JAG2: variants seen among roughly 807,000 people sequenced by gnomAD.
JAG2 encodes the protein jagged canonical Notch ligand 2, also known as protein jagged-2.
JAG2 carries 46 observed loss-of-function variants against 141.7 expected under a neutral mutation model. The ratio of observed to expected loss-of-function variants is 0.32; its 90% confidence interval spans 0.26 to 0.42. JAG2 has a LOEUF of 0.42. Among genes scored for constraint, JAG2 ranks in the 10% least tolerant of loss-of-function variants. The probability of loss-of-function intolerance (pLI) is 1.00; values close to 1 mark genes in which losing one functional copy is unlikely to be tolerated. For synonymous variants in JAG2, 862 were observed against 763.5 expected (o/e 1.13, Z -2.13); for missense variants, 1,500 against 1,817.5 (o/e 0.83, Z 3.18).
At chr14:105,146,341 C>A in intron 22 of JAG2, 44 bp downstream of exon 22, 1 of 1,526,180 alleles carries the variant, frequency 6.6e-7, no homozygotes, top group East Asian at 2.2e-5. Flanking sequence ...GGTCAGCGTG[C>A]ACCAGCCTCG....
intron 2 of JAG2, among the ~76,000 whole-genome samples, chr14:105,160,849 G>A (rs1888726347): frequency 6.9e-6 from 1 of 145,470 alleles, no homozygotes; most frequent in Admixed American, 6.9e-5. Context: ...GGCAACGAGG[G>A]CAAAACTCCA....
intron 2 of JAG2, among the ~76,000 whole-genome samples, chr14:105,166,954 G>A (rs1490946787): frequency 2.6e-5 from 4 of 152,160 alleles, no homozygotes; most frequent in Non-Finnish European, 5.9e-5. Flanking sequence ...GGCGCCCGAG[G>A]CCTGGGCCTG....
chr14:105,145,780 T>C lies in JAG2; in HGVS notation c.2903A>G (p.Asn968Ser), dbSNP rs984462286. ...PCLPRSGHLDNNCARLTLHFN... is the reference protein window; with the variant it reads ...PCLPRSGHLDSNCARLTLHFN... ...ATGCAAGGTGAGGCGGGCACAGTTA[T>C]TGTCCAGGTGGCCGGAGCGTGGCAG... The change falls in exon 23 of 26, where the codon AAT (asparagine) becomes AGT (serine). Residue 968 changes from asparagine (N) to serine (S), a missense_variant. Asn to Ser is a conservative substitution (Grantham distance 46). Coordinates refer to ENST00000331782, the MANE Select transcript of JAG2 (RefSeq NM_002226.5). 5 of 1,583,532 alleles carry C rather than the reference T, an allele frequency of 3.2e-6. No individual in the cohort carries two copies. The highest frequency in any genetic ancestry group is 1.1e-5 in the South Asian group (1 of 87,010).
In JAG2 at chr14:105,145,820, G is replaced by C. The variant is rs182661733; in HGVS notation, c.2863C>G (p.Pro955Ala). The C allele has an allele frequency of 4.5e-6, 7 of 1,566,384 alleles. No individual in the cohort carries two copies. The African/African-American group carries it at 6.8e-5, about 15-fold the overall frequency. The change falls in exon 23 of 26, where the codon CCG becomes GCG. Residue 955 changes from proline to alanine, a missense_variant. Pro to Ala is a conservative substitution (Grantham distance 27). Coordinates refer to ENST00000331782, the MANE Select transcript of JAG2 (RefSeq NM_002226.5). ...AWGECGAEEPPSTPCLPRSGH... is the reference protein window; with the variant it reads ...AWGECGAEEPASTPCLPRSGH... ...GAGCGTGGCAGGCAGGGGGTGCTCG[G>C]TGGCTCTTCTGCGCCGCACTCCCCC...
Position 105,142,948 on chromosome 14 carries a change from G to A in JAG2, c.3464C>T (p.Thr1155Met), listed in dbSNP as rs587770280. 211 of 1,609,264 alleles carry A rather than the reference G, an allele frequency of 1.3e-4. 6 individuals are homozygous for A. The South Asian group carries it at 2.3e-3, about 17-fold the overall frequency. The change falls in exon 26 of 26, where the codon ACG (threonine) becomes ATG (methionine). Residue 1155 changes from threonine to methionine, a missense_variant. Transcript: ENST00000331782. ...CTCGTCCGCCCTGCGCGGCGGCGGC[G>A]TGAAGTTCTTGCACTGGTAGAGCAC... ...KDVLYQCKNF[T>M]PPPRRADEAL...
At chr14:105,151,828 T>A in intron 7 of JAG2, 89 bp from the exon 8 acceptor site, 1 of 1,604,198 alleles carries the variant, frequency 6.2e-7, no homozygotes, top group South Asian at 1.1e-5. Flanking sequence ...GTTCCCAAGC[T>A]GGGGGTCAGG....
rs587744876 is a variant in JAG2 at position 105,165,298 on chromosome 14, C to T, written c.417+2459G>A. 3.3e-4 allele frequency among the ~76,000 whole-genome samples: 50 copies of T among 152,366 alleles called. 1 individual carries two copies. Among genetic ancestry groups the T allele is most frequent in the African/African-American group, 1.2e-3 (49 of 41,582 alleles). ...TGCCCCCAGCATGACACTACTCCTC[C>T]CCAAACCTCCATCACCACCTGCCAT... On this transcript the variant is annotated intron_variant, in intron 2 of 25. Coordinates refer to ENST00000331782, the MANE Select transcript of JAG2 (RefSeq NM_002226.5).
Position 105,168,352 on chromosome 14 carries a change from C to A in JAG2, c.66+3G>T. 1.0e-6 allele frequency: 1 copy of A among 961,692 alleles called. No individual in the cohort carries two copies. The allele number at this position is 961,692 out of a possible 1,614,324, so 59.6% of individuals were successfully genotyped here. On this transcript the variant is annotated splice_donor_region_variant and intron_variant, in intron 1 of 25. Transcript: ENST00000331782. ...CCCCCGCCGCCCCCGCCGCCCCGCT[C>A]ACCTGCACCCAGAGCGCCAGCAGCA...
intron 2 of JAG2, among the ~76,000 whole-genome samples, chr14:105,163,750 G>A (rs1339408656): frequency 1.3e-5 from 2 of 151,420 alleles, no homozygotes; most frequent in Non-Finnish European, 3.0e-5. Context: ...GCTCAGTCCT[G>A]GGACCTGGGG....
At chr14:105,163,649 G>A (rs1436237831) in intron 2 of JAG2, among the ~76,000 whole-genome samples, 1 of 151,380 alleles carries the variant, frequency 6.6e-6, no homozygotes, top group Admixed American at 6.6e-5. Context: ...ACTCCGCTCA[G>A]GCCTGTGGTC....
At position 105,168,368 on chromosome 14, in the gene JAG2, G is replaced by A. The variant is rs1466259948; in HGVS notation, c.53C>T (p.Ala18Val). ...RLPRRLLLLL[A>V]LWVQAARPMG... ...CGCCCCGCTCACCTGCACCCAGAGC[G>A]CCAGCAGCAGCAGCAGCCGCCGGGG... is the stretch of plus-strand genomic sequence containing the variant. The change falls in exon 1 of 26, where the codon GCG (alanine) becomes GTG (valine). Residue 18 changes from alanine to valine, a missense_variant. Coordinates refer to ENST00000331782, the MANE Select transcript of JAG2 (RefSeq NM_002226.5). The A allele has an allele frequency of 4.1e-6, 4 of 975,522 alleles. No homozygotes were observed. Among genetic ancestry groups the A allele is most frequent in the Admixed American group, 4.0e-5 (1 of 25,296 alleles). The allele number at this position is 975,522 out of a possible 1,614,324, so 60.4% of individuals were successfully genotyped here.
chr14:105,160,584 G>A (rs1246252845), intron 2 of JAG2, among the ~76,000 whole-genome samples: 4 of 151,710 alleles, frequency 2.6e-5, no homozygotes, highest in South Asian at 2.1e-4. Flanking sequence ...CCAGGCCAAC[G>A]GGTCACAGTG....
intron 22 of JAG2, 150 bp downstream of exon 22, chr14:105,146,235 G>C: frequency 1.2e-6 from 1 of 815,832 alleles, no homozygotes; most frequent in South Asian, 1.6e-5. Context: ...CATGGGGCCT[G>C]GCTGAGCTCT....
At chr14:105,168,331 C>A in intron 1 of JAG2, 24 bp downstream of exon 1, 1 of 811,448 alleles carries the variant, frequency 1.2e-6, no homozygotes, top group Non-Finnish European at 1.5e-6. Context: ...CCGCGACCCC[C>A]GCCGCCCCCG....
Position 105,167,924 on chromosome 14 carries a change from G to A in JAG2, c.250C>T (p.Pro84Ser), listed in dbSNP as rs1018568467. Residue 84 changes from proline to serine, a missense_variant, in exon 2 of 26, where the codon CCC (proline) becomes TCC (serine). This residue lies in a region of JAG2 where 200 missense variants were observed against 174.3 expected (regional missense o/e 1.15). Transcript: ENST00000331782. This position sits in a 1 kb window ranked among gnomAD's most constrained non-coding sequence, Gnocchi z 4.8. ...TGGCCGTAGCTGCAGGGCCCCGTGG[G>A]CGTCACCTTGGCCTGGTACTCCTTA... is the stretch of plus-strand genomic sequence containing the variant. ...CLKEYQAKVT[P>S]TGPCSYGHGA... 9.4e-6 allele frequency: 15 copies of A among 1,598,386 alleles called. No homozygotes were observed. The highest frequency in any genetic ancestry group is 2.3e-5 in the East Asian group (1 of 43,946).
Position 105,148,833 on chromosome 14 carries a change from G to A in JAG2, c.1932C>T (p.Pro644=), listed in dbSNP as rs780640896. The change falls in exon 15 of 26, where the codon CCC becomes CCT. Residue 644 remains proline (P), a synonymous_variant. Transcript: ENST00000331782. ...CGATGCATGTGCCCCCATTGCGGCA[G>A]GGCTGGCCCAGGCAGTCGTCAATGT... The part of the protein sequence containing the change: ...HENIDDCLGQ[P]CRNGGTCIDE... 7.5e-6 allele frequency: 12 copies of A among 1,595,420 alleles called. No homozygotes were observed. In the East Asian group the frequency reaches 2.0e-4, roughly 27 times the overall value.
At chr14:105,144,340 G>C (rs1299939630) in intron 24 of JAG2, among the ~76,000 whole-genome samples, 1 of 151,976 alleles carries the variant, frequency 6.6e-6, no homozygotes. Flanking sequence ...TCACCCAGCA[G>C]CACCCATCCA....
Position 105,167,029 on chromosome 14 carries a change from C to T in JAG2, c.417+728G>A, listed in dbSNP as rs990720470. ...GTACCTGTTTCCCAGTGACACTGGA[C>T]CCCTACCACCCCTCCTCCCAGCACG... On this transcript the variant is annotated intron_variant, in intron 2 of 25. Transcript: ENST00000331782. This position sits in a 1 kb window ranked among gnomAD's most constrained non-coding sequence, Gnocchi z 4.8. Among the ~76,000 whole-genome samples the T allele has an allele frequency of 3.3e-5, 5 of 152,156 alleles. No homozygotes were observed. The highest frequency in any genetic ancestry group is 7.4e-5 in the Non-Finnish European group (5 of 68,024).
chr14:105,168,340 C>A lies in JAG2; in HGVS notation c.66+15G>T. ...CCCCGTCCGCGACCCCCGCCGCCCC[C>A]GCCGCCCCGCTCACCTGCACCCAGA... On this transcript the variant is annotated intron_variant, in intron 1 of 25. Coordinates refer to ENST00000331782, the MANE Select transcript of JAG2 (RefSeq NM_002226.5). 1 of 897,604 alleles carries A rather than the reference C, an allele frequency of 1.1e-6. No individual in the cohort carries two copies. The highest frequency in any genetic ancestry group is 1.4e-6 in the Non-Finnish European group (1 of 729,550). 55.6% of individuals were successfully genotyped at this position (897,604 alleles called of 1,614,324 possible).
Sources: allele counts gnomAD v4.1 joint callset (sites outside exome capture counted in the v4.1 genomes callset), GRCh38; gene constraint gnomAD v4.1.1; regional missense constraint gnomAD v4.1.1; non-coding constraint Gnocchi (gnomAD v3.1); transcripts MANE v1.5; gene names NCBI Gene and HGNC (gene_info 2026-07-23, HGNC 2026-07-21).